Variants in HS6ST3 observed in about 807,000 individuals in gnomAD.
The protein encoded by HS6ST3 is heparan sulfate 6-O-sulfotransferase 3.
In HS6ST3, 12 loss-of-function variants were observed where a neutral mutation model predicts 36.7. That is an observed-to-expected ratio of 0.33 (90% CI 0.21 to 0.53). The LOEUF (loss-of-function observed/expected upper bound fraction) is 0.53, where lower values mean the gene tolerates loss of function less well. HS6ST3 is among the 20% of genes least tolerant of loss of function. The pLI is 0.95. For synonymous variants in HS6ST3, 240 were observed against 257.5 expected (o/e 0.93, Z 0.65); for missense variants, 584 against 640.9 (o/e 0.91, Z 0.96).
At chr13:96,658,035 A>G (rs1003711631) in intron 1 of HS6ST3, among the ~76,000 whole-genome samples, 2 of 152,072 alleles carry the variant, frequency 1.3e-5, no homozygotes, top group Admixed American at 6.6e-5. Context: ...CCTCTTCCCC[A>G]TGGGGATGAT....
intron 1 of HS6ST3, among the ~76,000 whole-genome samples, chr13:96,776,403 C>A (rs1450577451): frequency 6.6e-6 from 1 of 152,086 alleles, no homozygotes; most frequent in Admixed American, 6.6e-5. Context: ...AATCCAGGAG[C>A]TGGTTTTTTG....
At chr13:96,395,059 G>A (rs775767571) in intron 1 of HS6ST3, among the ~76,000 whole-genome samples, 7 of 152,178 alleles carry the variant, frequency 4.6e-5, no homozygotes, top group Non-Finnish European at 4.4e-5. Context: ...TTGCTTTGTG[G>A]TCTTCTCAAA....
intron 1 of HS6ST3, among the ~76,000 whole-genome samples, chr13:96,826,095 T>C (rs1878640725): frequency 1.3e-5 from 2 of 152,168 alleles, no homozygotes; most frequent in African/African-American, 2.4e-5. Flanking sequence ...CTTGAAACAG[T>C]AGGGAAGAAA....
At chr13:96,619,023 CA>C (rs1166459761) in intron 1 of HS6ST3, among the ~76,000 whole-genome samples, 2 of 150,102 alleles carry the variant, frequency 1.3e-5, no homozygotes, top group African/African-American at 4.9e-5. Flanking sequence ...TTTTTTAAGG[CA>C]AAAACCTTTT....
At chr13:96,166,575 C>CTTTCTTTTT (rs1555389089) in intron 1 of HS6ST3, among the ~76,000 whole-genome samples, 6 of 131,572 alleles carry the variant, frequency 4.6e-5, no homozygotes, top group South Asian at 5.0e-4. Flanking sequence ...TTCTTTCTTT[C>CTTTCTTTTT]TTTTTTTTTT....
intron 1 of HS6ST3, among the ~76,000 whole-genome samples, chr13:96,465,092 A>G (rs1594785991): frequency 6.6e-6 from 1 of 152,222 alleles, no homozygotes; most frequent in African/African-American, 2.4e-5. Context: ...AAAACTAGGA[A>G]GTTTGATAAC....
At chr13:96,723,078 G>A (rs1412514355) in intron 1 of HS6ST3, among the ~76,000 whole-genome samples, 3 of 151,776 alleles carry the variant, frequency 2.0e-5, no homozygotes, top group Non-Finnish European at 4.4e-5. Context: ...ATTGCTCATT[G>A]TATACCCAAT....
At chr13:96,377,907 C>T (rs2055322628) in intron 1 of HS6ST3, among the ~76,000 whole-genome samples, 1 of 152,072 alleles carries the variant, frequency 6.6e-6, no homozygotes, top group South Asian at 2.1e-4. Context: ...GTTGGGGTAA[C>T]AGAAAGAGGG....
intron 1 of HS6ST3, among the ~76,000 whole-genome samples, chr13:96,602,540 G>A (rs939406879): frequency 2.0e-5 from 3 of 152,216 alleles, no homozygotes; most frequent in African/African-American, 7.2e-5. Flanking sequence ...AGCTAGTGCA[G>A]CACTATCAGA....
intron 1 of HS6ST3, among the ~76,000 whole-genome samples, chr13:96,769,323 T>C (rs1877198916): frequency 1.3e-5 from 2 of 151,968 alleles, no homozygotes; most frequent in Non-Finnish European, 2.9e-5. Context: ...TACTTTAAGT[T>C]TTAGGGTACA....
At chr13:96,355,396 C>CACACAAAA (rs1555300294) in intron 1 of HS6ST3, among the ~76,000 whole-genome samples, 2 of 134,578 alleles carry the variant, frequency 1.5e-5, no homozygotes, top group Non-Finnish European at 3.2e-5. Flanking sequence ...CACACACACA[C>CACACAAAA]ACACACAAAC....
intron 1 of HS6ST3, among the ~76,000 whole-genome samples, chr13:96,650,796 A>T (rs1334095918): frequency 6.6e-6 from 1 of 152,066 alleles, no homozygotes; most frequent in Non-Finnish European, 1.5e-5. Context: ...AAGTTCTTCT[A>T]TGTGTGGGTG....
intron 1 of HS6ST3, among the ~76,000 whole-genome samples, chr13:96,312,856 G>C (rs1218338789): frequency 6.7e-6 from 1 of 148,974 alleles, no homozygotes; most frequent in African/African-American, 2.5e-5. Flanking sequence ...GGAGGCTCAG[G>C]CATGAGAATC....
chr13:96,378,256 A>C (rs1206473240), intron 1 of HS6ST3, among the ~76,000 whole-genome samples: 1 of 152,158 alleles, frequency 6.6e-6, no homozygotes, highest in Non-Finnish European at 1.5e-5. Context: ...CTGCAGTGTC[A>C]TGAGAGTTAT....
chr13:96,685,181 A>G (rs1270228747), intron 1 of HS6ST3, among the ~76,000 whole-genome samples: 2 of 152,064 alleles, frequency 1.3e-5, no homozygotes, highest in East Asian at 1.9e-4. Context: ...AAAACAAACC[A>G]GTGAAAAGTG....
At chr13:96,433,753 G>A (rs2055627778) in intron 1 of HS6ST3, among the ~76,000 whole-genome samples, 1 of 152,066 alleles carries the variant, frequency 6.6e-6, no homozygotes, top group Non-Finnish European at 1.5e-5. Context: ...TGGCCAACAT[G>A]GTGAAACCCC....
intron 1 of HS6ST3, among the ~76,000 whole-genome samples, chr13:96,191,068 T>C (rs1361550409): frequency 1.3e-5 from 2 of 152,204 alleles, no homozygotes; most frequent in Non-Finnish European, 2.9e-5. Context: ...GGTTCCTGTT[T>C]CTTCGCCATT....
intron 1 of HS6ST3, among the ~76,000 whole-genome samples, chr13:96,612,009 C>T (rs965915256): frequency 5.9e-5 from 9 of 152,216 alleles, no homozygotes; most frequent in East Asian, 3.9e-4. Context: ...GGGGCTGACT[C>T]GTCCACCTAA....
At chr13:96,175,335 C>G (rs2054207282) in intron 1 of HS6ST3, among the ~76,000 whole-genome samples, 1 of 151,274 alleles carries the variant, frequency 6.6e-6, no homozygotes, top group South Asian at 2.1e-4. Flanking sequence ...AGTCTGATAC[C>G]TAGCTCCTTT....
Sources: gnomAD v4.1 joint callset for allele counts (sites outside exome capture counted in the v4.1 genomes callset) on GRCh38, gnomAD v4.1.1 for gene constraint, MANE v1.5 for transcripts, NCBI Gene and HGNC (gene_info 2026-07-23, HGNC 2026-07-21) for gene names.